Variants in KDM4B observed in about 807,000 individuals in gnomAD.
The protein encoded by KDM4B is lysine-specific demethylase 4B.
In KDM4B, 32 loss-of-function variants were observed where a neutral mutation model predicts 125.2. That is an observed-to-expected ratio of 0.26 (90% CI 0.19 to 0.34). The LOEUF is 0.34. Among genes scored for constraint, KDM4B ranks in the 10% least tolerant of loss-of-function variants. The pLI, the probability that KDM4B is intolerant of heterozygous loss-of-function variation, is 1.00. For synonymous variants in KDM4B, 721 were observed against 677.9 expected (o/e 1.06, Z -0.99); for missense variants, 1,190 against 1,577.7 (o/e 0.75, Z 4.16).
intron 15 of KDM4B, among the ~76,000 whole-genome samples, chr19:5,136,150 G>A (rs2039644736): frequency 6.6e-6 from 1 of 152,236 alleles, no homozygotes; most frequent in Non-Finnish European, 1.5e-5. Flanking sequence ...TCTTCTCCAA[G>A]GCCTGGGAGG....
At chr19:5,083,293 G>T (rs895158234) in intron 9 of KDM4B, among the ~76,000 whole-genome samples, 1 of 152,254 alleles carries the variant, frequency 6.6e-6, no homozygotes, top group Non-Finnish European at 1.5e-5. Flanking sequence ...AAGAGCTGCT[G>T]CTGGGCACGG....
chr19:5,012,402 G>A (rs577978375), intron 1 of KDM4B, among the ~76,000 whole-genome samples: 1 of 152,238 alleles, frequency 6.6e-6, no homozygotes, highest in African/African-American at 2.4e-5. Flanking sequence ...CATTCGGATT[G>A]CCTCTGCTTT....
At chr19:5,029,009 C>T (rs1292094984) in intron 2 of KDM4B, among the ~76,000 whole-genome samples, 1 of 152,226 alleles carries the variant, frequency 6.6e-6, no homozygotes, top group Non-Finnish European at 1.5e-5. Flanking sequence ...CTTCCCAGCT[C>T]AAGCGATTCT....
chr19:5,025,137 G>A (rs1156509708), intron 2 of KDM4B, among the ~76,000 whole-genome samples: 2 of 152,190 alleles, frequency 1.3e-5, no homozygotes, highest in African/African-American at 2.4e-5. Context: ...TGGGTTAAGC[G>A]GCTTTCATGG....
At chr19:5,109,751 G>T (rs564528539) in intron 9 of KDM4B, among the ~76,000 whole-genome samples, 4 of 152,290 alleles carry the variant, frequency 2.6e-5, no homozygotes, top group African/African-American at 9.6e-5. Flanking sequence ...CAGGTGAGGC[G>T]TGCGGGAGCC....
chr19:5,039,865 G>A lies in KDM4B; in HGVS notation c.171G>A (p.Arg57=). The A allele has an allele frequency of 6.2e-7, 1 of 1,612,840 alleles. No individual in the cohort carries two copies. ...KIIPPKEWKP[R]QTYDDIDDVV... ...TCCCCCCGAAGGAGTGGAAGCCGCG[G>A]CAGACGTATGATGACATCGACGACG... The change falls in exon 4 of 23, where the codon CGG becomes CGA. Residue 57 remains arginine, a synonymous_variant. Transcript: ENST00000159111.
chr19:5,100,395 C>CT (rs1403706744), intron 9 of KDM4B, among the ~76,000 whole-genome samples: 2 of 152,134 alleles, frequency 1.3e-5, no homozygotes, highest in African/African-American at 4.8e-5. Context: ...TCTACGTTGT[C>CT]TTTTTTGTTT....
At chr19:5,143,843 C>A in intron 18 of KDM4B, 124 bp from the exon 19 acceptor site, 1 of 766,616 alleles carries the variant, frequency 1.3e-6, no homozygotes, top group Non-Finnish European at 2.1e-6. Flanking sequence ...CCTCACTGGG[C>A]AGAGCGCAGG....
At chr19:5,107,332 G>A (rs1426182444) in intron 9 of KDM4B, among the ~76,000 whole-genome samples, 3 of 152,316 alleles carry the variant, frequency 2.0e-5, no homozygotes, top group Admixed American at 6.5e-5. Flanking sequence ...AGATTCCCCC[G>A]GATGGTGCCT....
rs575103470 is a variant in KDM4B, at chr19:5,067,234, C to T, written c.627-3776C>T. ...CTTGTTGCACTGAGCTAAGTCTCCC[C>T]ACCCCCTTAACATTTCTGACTCTGC... is the stretch of plus-strand genomic sequence containing the variant. On this transcript the variant is annotated intron_variant, in intron 6 of 22. Coordinates refer to ENST00000159111, the MANE Select transcript of KDM4B (RefSeq NM_015015.3). Among the ~76,000 whole-genome samples the T allele has an allele frequency of 1.8e-4, 28 of 152,272 alleles. No homozygotes were observed. In the South Asian group the frequency reaches 5.8e-3, roughly 32 times the overall value.
chr19:5,068,281 G>T (rs1170675980), intron 6 of KDM4B, among the ~76,000 whole-genome samples: 1 of 152,166 alleles, frequency 6.6e-6, no homozygotes, highest in Non-Finnish European at 1.5e-5. Flanking sequence ...TGGTGACTGT[G>T]GGTCTCTGCC....
chr19:4,977,614 A>G (rs1004293169), intron 1 of KDM4B, among the ~76,000 whole-genome samples: 1 of 152,132 alleles, frequency 6.6e-6, no homozygotes, highest in Non-Finnish European at 1.5e-5. Context: ...GACGATTTGT[A>G]TGAGATTAGC....
intron 6 of KDM4B, among the ~76,000 whole-genome samples, chr19:5,060,433 C>CAAAAAAAAAAAAAAAAAAA (rs901472663): frequency 3.9e-4 from 13 of 32,978 alleles, no homozygotes; most frequent in Admixed American, 4.9e-4. Flanking sequence ...ACTCTGTCTC[C>CAAAAAAAAAAAAAAAAAAA]AAAAAAAAAA....
At chr19:4,999,113 A>G (rs924564117) in intron 1 of KDM4B, among the ~76,000 whole-genome samples, 4 of 152,106 alleles carry the variant, frequency 2.6e-5, no homozygotes, top group Non-Finnish European at 2.9e-5. Flanking sequence ...TTCTTGCCGC[A>G]TGGTGGTTGT....
At chr19:5,033,100 T>A in intron 3 of KDM4B, 69 bp downstream of exon 3, 2 of 1,564,640 alleles carry the variant, frequency 1.3e-6, no homozygotes, top group African/African-American at 1.4e-5. Flanking sequence ...ACATCCTGGG[T>A]CCCAGCTCAG....
intron 1 of KDM4B, among the ~76,000 whole-genome samples, chr19:4,993,336 G>A (rs973085983): frequency 1.1e-4 from 16 of 151,814 alleles, no homozygotes; most frequent in Admixed American, 9.2e-4. Flanking sequence ...TTGAACCCGG[G>A]AGGCAGAGGT....
At chr19:5,068,136 G>A (rs2037833343) in intron 6 of KDM4B, among the ~76,000 whole-genome samples, 2 of 151,484 alleles carry the variant, frequency 1.3e-5, no homozygotes, top group Admixed American at 1.3e-4. Context: ...AAATGTCAGG[G>A]ATGCCCCAGC....
chr19:5,139,383 G>A (rs114474438), intron 18 of KDM4B, among the ~76,000 whole-genome samples: 2,302 of 152,312 alleles, frequency 0.015, 53 homozygotes, highest in African/African-American at 0.052. Flanking sequence ...GGGTTGCGCC[G>A]CAGCGGATGT....
intron 9 of KDM4B, among the ~76,000 whole-genome samples, chr19:5,101,774 G>C (rs1007739553): frequency 6.6e-6 from 1 of 152,128 alleles, no homozygotes; most frequent in Non-Finnish European, 1.5e-5. Context: ...TGCTTTTCCC[G>C]GGGATACCTG....
Sources: allele counts gnomAD v4.1 joint callset (sites outside exome capture counted in the v4.1 genomes callset), GRCh38; gene constraint gnomAD v4.1.1; transcripts MANE v1.5; gene names NCBI Gene and HGNC (gene_info 2026-07-23, HGNC 2026-07-21).